KPNB1: variants seen among roughly 807,000 people sequenced by gnomAD.
KPNB1 encodes karyopherin subunit beta 1, also known as importin subunit beta-1.
Under a neutral mutation model 113.0 loss-of-function variants are expected in KPNB1, and 7 were observed. The observed-to-expected ratio is 0.06, with a 90% confidence interval of 0.04 to 0.12. The LOEUF is 0.12. Among genes scored for constraint, KPNB1 ranks in the 10% least tolerant of loss-of-function variants. KPNB1 has a pLI of 1.00. For synonymous variants in KPNB1, 363 were observed against 378.6 expected (o/e 0.96, Z 0.48); for missense variants, 400 against 1,054.8 (o/e 0.38, Z 8.60).
chr17:47,661,014 G>A (rs1207295071), intron 5 of KPNB1, 105 bp from the exon 6 acceptor site: 2 of 815,596 alleles, frequency 2.5e-6, no homozygotes, highest in Non-Finnish European at 4.2e-6. Flanking sequence ...GGCTGTGTGG[G>A]GCCCTGAGGG....
chr17:47,680,349 G>A (rs1009320977), intron 20 of KPNB1, among the ~76,000 whole-genome samples, 159 bp from the exon 21 acceptor site: 12 of 152,172 alleles, frequency 7.9e-5, no homozygotes, highest in African/African-American at 2.9e-4. Flanking sequence ...ATTAAACTCT[G>A]ATGTTGGTCA....
chr17:47,681,374 T>C (rs142609332), intron 21 of KPNB1, among the ~76,000 whole-genome samples: 3,039 of 150,526 alleles, frequency 0.02, 83 homozygotes, highest in East Asian at 0.15. Context: ...GTTCAAGCAG[T>C]TCTCTGCCTC....
intron 2 of KPNB1, chr17:47,651,265 G>A: frequency 1.0e-6 from 1 of 985,244 alleles, no homozygotes; most frequent in African/African-American, 1.7e-5. Flanking sequence ...AATGTGGGAT[G>A]GATTGGTTGA....
At chr17:47,676,987 C>T in intron 16 of KPNB1, 33 bp from the exon 17 acceptor site, 1 of 1,559,586 alleles carries the variant, frequency 6.4e-7, no homozygotes, top group East Asian at 2.2e-5. Flanking sequence ...GCAGCCTTTT[C>T]TGTTAGAAGA....
At position 47,652,737 on chromosome 17, in the gene KPNB1, G is replaced by C; in HGVS notation, c.143G>C (p.Gly48Ala). The change falls in exon 3 of 22, where the codon GGA becomes GCA. Residue 48 changes from glycine (G) to alanine (A), a missense_variant. Coordinates refer to ENST00000290158, the MANE Select transcript of KPNB1 (RefSeq NM_002265.6). Reference sequence around the variant, plus strand: ...CTGTCCAGAGTGCTGGCAAATCCAGGAAACAGTCAGGTTGCCAGAGTTGCA... The same window carrying C: ...CTGTCCAGAGTGCTGGCAAATCCAGCAAACAGTCAGGTTGCCAGAGTTGCA... ...VELSRVLANP[G>A]NSQVARVAAG... The C allele has an allele frequency of 6.2e-7, 1 of 1,612,288 alleles. No homozygotes were observed. The highest frequency in any genetic ancestry group is 8.5e-7 in the Non-Finnish European group (1 of 1,179,506).
intron 8 of KPNB1, among the ~76,000 whole-genome samples, chr17:47,664,774 TG>T (rs2030216016): frequency 6.6e-6 from 1 of 152,154 alleles, no homozygotes; most frequent in Non-Finnish European, 1.5e-5. Context: ...AAACTGAGTG[TG>T]TGTTGATCCA....
chr17:47,677,015 G>T lies in KPNB1; in HGVS notation c.1996-5G>T. 1 of 1,610,376 alleles carries T rather than the reference G, an allele frequency of 6.2e-7. No individual in the cohort carries two copies. The highest frequency in any genetic ancestry group is 8.5e-7 in the Non-Finnish European group (1 of 1,177,322). On this transcript the variant is annotated splice_region_variant and splice_polypyrimidine_tract_variant and intron_variant, in intron 16 of 21. Transcript: ENST00000290158. ...TTAGAAGATTATTTCCTTGATTCTT[G>T]GCAGGTTTGTTTGGCAGCTGTGGGC...
At chr17:47,654,475 A>G (rs1038910349) in intron 3 of KPNB1, among the ~76,000 whole-genome samples, 1 of 151,956 alleles carries the variant, frequency 6.6e-6, no homozygotes, top group African/African-American at 2.4e-5. Context: ...GCCCTCGGGC[A>G]TGAGAAAAAA....
Position 47,661,109 on chromosome 17 carries a change from C to G in KPNB1, c.637-10C>G. ...TCTCCTAATTCTCTTTATTTTTATTCCTCCTACAGTCTGAAAGGCACTTTA... is the reference window on the plus strand; with the variant it reads ...TCTCCTAATTCTCTTTATTTTTATTGCTCCTACAGTCTGAAAGGCACTTTA... On this transcript the variant is annotated splice_polypyrimidine_tract_variant and intron_variant, in intron 5 of 21. Coordinates refer to ENST00000290158, the MANE Select transcript of KPNB1 (RefSeq NM_002265.6). 6.2e-7 allele frequency: 1 copy of G among 1,605,498 alleles called. No homozygotes were observed.
At chr17:47,673,348 T>C in intron 13 of KPNB1, 142 bp from the exon 14 acceptor site, 1 of 863,080 alleles carries the variant, frequency 1.2e-6, no homozygotes, top group Non-Finnish European at 1.8e-6. Context: ...GGTTTACTCA[T>C]ATATGTGTTA....
intron 17 of KPNB1, among the ~76,000 whole-genome samples, chr17:47,677,472 C>CAAAAAAA (rs746941632): frequency 1.9e-5 from 1 of 53,272 alleles, no homozygotes; most frequent in African/African-American, 6.8e-5. Context: ...AACTCCGTCT[C>CAAAAAAA]AAAAAAAAAA....
chr17:47,654,632 A>G (rs1279642718), intron 3 of KPNB1, among the ~76,000 whole-genome samples: 1 of 152,150 alleles, frequency 6.6e-6, no homozygotes, highest in Non-Finnish European at 1.5e-5. Flanking sequence ...ATTACTATTA[A>G]GGTTACCTCT....
intron 5 of KPNB1, among the ~76,000 whole-genome samples, chr17:47,659,118 G>A (rs909249241): frequency 3.3e-5 from 5 of 152,162 alleles, no homozygotes; most frequent in Non-Finnish European, 5.9e-5. Flanking sequence ...GGAGGCTGAG[G>A]CGGGTGGATC....
At position 47,661,379 on chromosome 17, in the gene KPNB1, C is replaced by T. The variant is rs191676376; in HGVS notation, c.696+201C>T. Reference sequence around the variant, plus strand: ...CTTAGGGAGGCCATGGCAGGCAGTTCACCTGAGGTTAGGAGTTTCATACCA... The same window carrying T: ...CTTAGGGAGGCCATGGCAGGCAGTTTACCTGAGGTTAGGAGTTTCATACCA... On this transcript the variant is annotated intron_variant, in intron 6 of 21. Coordinates refer to ENST00000290158, the MANE Select transcript of KPNB1 (RefSeq NM_002265.6). Among the ~76,000 whole-genome samples, 378 of 152,126 alleles carry T rather than the reference C, an allele frequency of 2.5e-3. 3 individuals carry two copies. Among genetic ancestry groups the T allele is most frequent in the African/African-American group, 8.8e-3 (364 of 41,500 alleles).
chr17:47,650,173 C>A lies in KPNB1; in HGVS notation c.-72C>A. 1 of 1,483,678 alleles carries A rather than the reference C, an allele frequency of 6.7e-7. No individual in the cohort carries two copies. Among genetic ancestry groups the A allele is most frequent in the Non-Finnish European group, 8.9e-7 (1 of 1,127,008 alleles). The allele number at this position is 1,483,678 out of a possible 1,614,324, so 91.9% of individuals were successfully genotyped here. On this transcript the variant is annotated 5_prime_UTR_variant, in exon 1 of 22. Coordinates refer to ENST00000290158, the MANE Select transcript of KPNB1 (RefSeq NM_002265.6). ...TCCCACCCGACCCCCAACCCCCATC[C>A]CCAGTTCGAGCCGCCGCCCGAAAGG... is the stretch of plus-strand genomic sequence containing the variant.
intron 12 of KPNB1, among the ~76,000 whole-genome samples, chr17:47,671,112 C>G (rs2030431400): frequency 6.6e-6 from 1 of 152,216 alleles, no homozygotes; most frequent in Non-Finnish European, 1.5e-5. Context: ...AAAAAATTAG[C>G]CGGGCGTGCT....
In KPNB1 at chr17:47,658,504, A is replaced by G; in HGVS notation, c.484-4A>G. The G allele has an allele frequency of 1.9e-6, 3 of 1,611,756 alleles. No homozygotes were observed. Among genetic ancestry groups the G allele is most frequent in the Non-Finnish European group, 2.5e-6 (3 of 1,179,666 alleles). ...TATTCATTGCACTTCTCTGCTTGTTACAGGACCCAGAGCAGCTACAAGATA... is the reference window on the plus strand; with the variant it reads ...TATTCATTGCACTTCTCTGCTTGTTGCAGGACCCAGAGCAGCTACAAGATA... On this transcript the variant is annotated splice_region_variant and splice_polypyrimidine_tract_variant and intron_variant, in intron 4 of 21. Transcript: ENST00000290158.
chr17:47,670,758 G>A lies in KPNB1; in HGVS notation c.1473G>A (p.Gln491=). The change falls in exon 12 of 22, where the codon CAG becomes CAA. Residue 491 remains glutamine, a synonymous_variant. Coordinates refer to ENST00000290158, the MANE Select transcript of KPNB1 (RefSeq NM_002265.6). ...AYEAADVADD[Q]EEPATYCLSS... ...AAGCTGCAGACGTTGCTGATGATCA[G>A]GAAGAACCAGCTACTTACTGCTTAT... 1.2e-6 allele frequency: 2 copies of A among 1,613,454 alleles called. No homozygotes were observed. Among genetic ancestry groups the A allele is most frequent in the Admixed American group, 1.7e-5 (1 of 60,010 alleles).
chr17:47,674,660 A>T lies in KPNB1; in HGVS notation c.1790A>T (p.His597Leu), dbSNP rs1357902685. 1 of 1,613,770 alleles carries T rather than the reference A, an allele frequency of 6.2e-7. No homozygotes were observed. The highest frequency in any genetic ancestry group is 2.2e-5 in the East Asian group (1 of 44,900). The change falls in exon 15 of 22, where the codon CAT becomes CTT. Residue 597 changes from histidine to leucine, a missense_variant. Transcript: ENST00000290158. Reference protein sequence around the residue: ...TLQNVLRKVQHQDALQISDVV... With the variant: ...TLQNVLRKVQLQDALQISDVV... Reference sequence around the variant, plus strand: ...CAGAATGTTCTTCGGAAAGTGCAACATCAAGATGCTTTGCAGATCTCTGAT... The same window carrying T: ...CAGAATGTTCTTCGGAAAGTGCAACTTCAAGATGCTTTGCAGATCTCTGAT...
Sources: gnomAD v4.1 joint callset for allele counts (sites outside exome capture counted in the v4.1 genomes callset) on GRCh38, gnomAD v4.1.1 for gene constraint, MANE v1.5 for transcripts, NCBI Gene and HGNC (gene_info 2026-07-23, HGNC 2026-07-21) for gene names.